ZFHX3: variants seen among roughly 807,000 people sequenced by gnomAD.
ZFHX3 encodes zinc finger homeobox 3, also known as zinc finger homeobox protein 3.
In ZFHX3, 42 loss-of-function variants were observed where a neutral mutation model predicts 279.1. That is an observed-to-expected ratio of 0.15 (90% CI 0.12 to 0.19). ZFHX3 has a LOEUF of 0.19. Ranked by LOEUF, ZFHX3 falls within the 10% of genes least tolerant of loss-of-function variation. ZFHX3 has a pLI of 1.00. For missense variants in ZFHX3, 4,981 were observed against 4,754.0 expected, an observed-to-expected ratio of 1.05 and a Z score of -1.40; for synonymous variants, 2,293 against 1,957.8, an observed-to-expected ratio of 1.17 and a Z score of -4.52.
chr16:73,823,079 C>T (rs145802265), intron 1 of ZFHX3, among the ~76,000 whole-genome samples: 1 of 152,274 alleles, frequency 6.6e-6, no homozygotes, highest in Non-Finnish European at 1.5e-5. Context: ...AAGGGACAGA[C>T]ATTAATGATC....
At chr16:73,475,743 C>G (rs1387551716) in intron 2 of ZFHX3, among the ~76,000 whole-genome samples, 1 of 152,094 alleles carries the variant, frequency 6.6e-6, no homozygotes, top group African/African-American at 2.4e-5. Flanking sequence ...AGAGCAAACT[C>G]TGCTAGAGTA....
At chr16:73,857,202 A>T (rs961033078) in intron 1 of ZFHX3, among the ~76,000 whole-genome samples, 28 of 152,240 alleles carry the variant, frequency 1.8e-4, no homozygotes, top group Non-Finnish European at 3.4e-4. Context: ...AATTCAGCTT[A>T]GAGTTTAATT....
chr16:73,470,373 G>A (rs756213188), intron 2 of ZFHX3, among the ~76,000 whole-genome samples: 17 of 152,180 alleles, frequency 1.1e-4, no homozygotes, highest in African/African-American at 2.7e-4. Flanking sequence ...GTCCTGGTCT[G>A]TATCTGCCTT....
intron 2 of ZFHX3, among the ~76,000 whole-genome samples, chr16:73,506,993 T>A (rs1161668148): frequency 6.6e-6 from 1 of 152,216 alleles, no homozygotes; most frequent in African/African-American, 2.4e-5. Context: ...ATCTGGTCTC[T>A]TCCACCGACG....
At chr16:73,099,184 T>C (rs1180654414) in intron 7 of ZFHX3, 2 of 152,216 alleles carry the variant, frequency 1.3e-5, no homozygotes, top group African/African-American at 2.4e-5. Context: ...TGAAATAATC[T>C]CTTGGATATG....
At chr16:72,914,080 G>GC (rs1052863596) in intron 3 of ZFHX3, among the ~76,000 whole-genome samples, 6 of 152,284 alleles carry the variant, frequency 3.9e-5, no homozygotes, top group Non-Finnish European at 5.9e-5. Flanking sequence ...CTGAACCCAG[G>GC]CCCCCTGGCT....
intron 3 of ZFHX3, among the ~76,000 whole-genome samples, chr16:73,436,190 A>G (rs1053462410): frequency 6.6e-6 from 1 of 152,206 alleles, no homozygotes; most frequent in Non-Finnish European, 1.5e-5. Flanking sequence ...CCATGGTGGC[A>G]CATGCCTGTA....
chr16:73,259,191 G>A (rs1166873664), intron 4 of ZFHX3, among the ~76,000 whole-genome samples: 2 of 152,144 alleles, frequency 1.3e-5, no homozygotes, highest in East Asian at 1.9e-4. Flanking sequence ...GTTTCCCTAG[G>A]AAACACAGCT....
intron 1 of ZFHX3, among the ~76,000 whole-genome samples, chr16:73,692,169 T>G (rs897873874): frequency 5.3e-5 from 8 of 152,154 alleles, no homozygotes; most frequent in African/African-American, 1.9e-4. Context: ...TCTCCTCTCC[T>G]TGATTCTGTC....
At chr16:73,149,496 A>G (rs1451960174) in intron 5 of ZFHX3, among the ~76,000 whole-genome samples, 1 of 152,120 alleles carries the variant, frequency 6.6e-6, no homozygotes, top group Non-Finnish European at 1.5e-5. Context: ...TTGTGTGCCA[A>G]AGTAATCAGG....
At chr16:72,946,036 G>A (rs551246981) in intron 3 of ZFHX3, among the ~76,000 whole-genome samples, 17 of 152,194 alleles carry the variant, frequency 1.1e-4, no homozygotes, top group Non-Finnish European at 1.9e-4. Context: ...GCCCTGCTGG[G>A]AGTGTGAATC....
intron 2 of ZFHX3, among the ~76,000 whole-genome samples, chr16:73,543,171 A>G (rs556915586): frequency 3.9e-5 from 6 of 152,328 alleles, no homozygotes; most frequent in Admixed American, 3.9e-4. Context: ...GAGGTTTATG[A>G]CTTCATTAGA....
chr16:73,853,549 G>A (rs181241422), intron 1 of ZFHX3, among the ~76,000 whole-genome samples: 1 of 152,288 alleles, frequency 6.6e-6, no homozygotes, highest in East Asian at 1.9e-4. Context: ...GGAACTAGAG[G>A]TCATCATCCT....
intron 8 of ZFHX3, among the ~76,000 whole-genome samples, chr16:73,073,212 C>A (rs141311910): frequency 6.6e-6 from 1 of 152,000 alleles, no homozygotes; most frequent in Admixed American, 6.6e-5. Context: ...TTACTTAAGA[C>A]ACATTTCTAG....
intron 1 of ZFHX3, among the ~76,000 whole-genome samples, chr16:73,771,916 C>G (rs1000839277): frequency 6.6e-6 from 1 of 152,070 alleles, no homozygotes. Flanking sequence ...TCACCTCCCC[C>G]ACAGAGGCCT....
intron 1 of ZFHX3, among the ~76,000 whole-genome samples, chr16:73,874,186 G>A (rs1326669288): frequency 6.6e-6 from 1 of 152,048 alleles, no homozygotes; most frequent in East Asian, 1.9e-4. Context: ...AGTGTGTGGG[G>A]AGTTCACATA....
intron 3 of ZFHX3, among the ~76,000 whole-genome samples, chr16:72,907,620 A>G (rs1282621782): frequency 6.9e-6 from 1 of 144,192 alleles, no homozygotes; most frequent in East Asian, 2.1e-4. Flanking sequence ...GTGTATGCAC[A>G]CAGGTGCAGG....
At chr16:73,065,566 GGTGTGTGTGTGTGTGTGTGTGTGT>G (rs10540025) in intron 8 of ZFHX3, among the ~76,000 whole-genome samples, 1 of 144,688 alleles carries the variant, frequency 6.9e-6, no homozygotes, top group South Asian at 2.3e-4. Flanking sequence ...AGCTTTTCCT[GGTGTGTGTGTGTGTGTGTGTGTGT>G]GTGTGTGTGT....
At chr16:73,526,371 A>G (rs2019695631) in intron 2 of ZFHX3, among the ~76,000 whole-genome samples, 1 of 152,240 alleles carries the variant, frequency 6.6e-6, no homozygotes, top group Admixed American at 6.5e-5. Flanking sequence ...AATGTTACAG[A>G]GAAAGGAGGG....
Sources: allele counts gnomAD v4.1 joint callset (sites outside exome capture counted in the v4.1 genomes callset), GRCh38; gene constraint gnomAD v4.1.1; transcripts MANE v1.5; gene names NCBI Gene and HGNC (gene_info 2026-07-23, HGNC 2026-07-21).